The following DTNB variants were observed in gnomAD, a reference collection of about 807,000 sequenced individuals.
The protein encoded by DTNB is DTN-B.
DTNB carries 63 observed loss-of-function variants against 90.7 expected under a neutral mutation model. The observed-to-expected ratio is 0.69, with a 90% CI of 0.57 to 0.86. The LOEUF (loss-of-function observed/expected upper bound fraction) is 0.86. Ranked by LOEUF, DTNB falls within the 40% of genes least tolerant of loss-of-function variation. DTNB has a pLI of 0.00. For missense variants in DTNB, 744 were observed against 807.1 expected (o/e 0.92, Z 0.95); for synonymous variants, 277 against 286.7 (o/e 0.97, Z 0.34).
intron 9 of DTNB, among the ~76,000 whole-genome samples, chr2:25,514,949 C>T (rs951768863): frequency 3.3e-5 from 5 of 152,062 alleles, no homozygotes; most frequent in African/African-American, 1.2e-4. Context: ...TCCCAAAGTG[C>T]TGGGATTACA....
At chr2:25,433,202 G>A (rs114770896) in intron 13 of DTNB, among the ~76,000 whole-genome samples, 1,541 of 152,238 alleles carry the variant, frequency 0.01, 33 homozygotes, top group African/African-American at 0.036. Context: ...CCTTTGTGGT[G>A]GAAAAAGTCA....
At chr2:25,541,299 T>C (rs1240215064) in intron 8 of DTNB, among the ~76,000 whole-genome samples, 1 of 151,922 alleles carries the variant, frequency 6.6e-6, no homozygotes, top group Non-Finnish European at 1.5e-5. Flanking sequence ...GTCAACATGG[T>C]GAAACGCTGT....
chr2:25,426,558 A>C (rs2051685838), intron 15 of DTNB: 2 of 152,176 alleles, frequency 1.3e-5, no homozygotes, highest in Admixed American at 1.3e-4. Flanking sequence ...GCAACCCAAC[A>C]CCACCCATCT....
chr2:25,555,443 G>T (rs1231240828), intron 8 of DTNB, among the ~76,000 whole-genome samples: 1 of 151,574 alleles, frequency 6.6e-6, no homozygotes, highest in Non-Finnish European at 1.5e-5. Flanking sequence ...ACATTCCAGA[G>T]GAAGACAAAT....
intron 9 of DTNB, among the ~76,000 whole-genome samples, chr2:25,486,899 T>C (rs574251570): frequency 1.3e-5 from 2 of 152,332 alleles, no homozygotes; most frequent in East Asian, 1.9e-4. Flanking sequence ...CAGCAAGGTA[T>C]AGGCACTATT....
At chr2:25,407,128 C>T (rs930691185) in intron 16 of DTNB, among the ~76,000 whole-genome samples, 1 of 152,104 alleles carries the variant, frequency 6.6e-6, no homozygotes, top group African/African-American at 2.4e-5. Flanking sequence ...CATGACATTT[C>T]TCAAAAGAAG....
chr2:25,597,692 C>CT (rs2064930655), intron 5 of DTNB, among the ~76,000 whole-genome samples: 1 of 152,062 alleles, frequency 6.6e-6, no homozygotes, highest in African/African-American at 2.4e-5. Context: ...CAGCAAGAGA[C>CT]TAAAAGATGA....
chr2:25,531,444 T>C (rs1440442965), intron 9 of DTNB, 29 bp downstream of exon 9: 4 of 1,600,344 alleles, frequency 2.5e-6, no homozygotes, highest in Non-Finnish European at 2.6e-6. Flanking sequence ...TTCAGTGTGA[T>C]CCACATGCAC....
At position 25,433,898 on chromosome 2, in the gene DTNB, C is replaced by T; in HGVS notation, c.1343+12G>A. On this transcript the variant is annotated intron_variant, in intron 13 of 20. Coordinates refer to ENST00000406818, the MANE Select transcript of DTNB (RefSeq NM_021907.5). ...TGGACTCTGGAAGTGGGCTCAGCCT[C>T]TGCGTTCTTACCTGTTTTTGTTTTC... 2 of 1,613,474 alleles carry T rather than the reference C, an allele frequency of 1.2e-6. No individual in the cohort carries two copies. The highest frequency in any genetic ancestry group is 2.2e-5 in the South Asian group (2 of 91,050).
chr2:25,388,606 G>A, intron 16 of DTNB: 1 of 488,088 alleles, frequency 2.0e-6, no homozygotes, highest in Non-Finnish European at 3.6e-6. Flanking sequence ...AGAATGGGAG[G>A]GAAAGAAGAG....
chr2:25,597,828 C>A (rs1475233213), intron 5 of DTNB, among the ~76,000 whole-genome samples: 2 of 152,082 alleles, frequency 1.3e-5, no homozygotes, highest in African/African-American at 2.4e-5. Flanking sequence ...TGGTCCTTAT[C>A]CCCCAAGAAA....
At chr2:25,588,400 T>C (rs927461298) in intron 6 of DTNB, among the ~76,000 whole-genome samples, 5 of 151,490 alleles carry the variant, frequency 3.3e-5, no homozygotes, top group African/African-American at 1.2e-4. Context: ...GGAGTCTCCC[T>C]CTATTGCCAG....
At chr2:25,586,015 T>C (rs773976153) in intron 6 of DTNB, among the ~76,000 whole-genome samples, 2 of 152,214 alleles carry the variant, frequency 1.3e-5, no homozygotes, top group Non-Finnish European at 2.9e-5. Context: ...TTATTTGTTA[T>C]GGATAAAGGA....
chr2:25,649,300 T>G (rs35546737), intron 2 of DTNB, among the ~76,000 whole-genome samples: 1 of 152,038 alleles, frequency 6.6e-6, no homozygotes, highest in Non-Finnish European at 1.5e-5. Flanking sequence ...CCACCACACC[T>G]GGCCATCCTT....
intron 16 of DTNB, among the ~76,000 whole-genome samples, chr2:25,394,203 G>A (rs2041871402): frequency 6.6e-6 from 1 of 152,148 alleles, no homozygotes; most frequent in Admixed American, 6.5e-5. Flanking sequence ...ATAGAAGAAT[G>A]AAACTGGATC....
chr2:25,399,235 G>T (rs2043100647), intron 16 of DTNB, among the ~76,000 whole-genome samples: 1 of 151,928 alleles, frequency 6.6e-6, no homozygotes, highest in Non-Finnish European at 1.5e-5. Context: ...TTTTAGTAGA[G>T]ATGGGGTTTC....
At chr2:25,382,850 C>G (rs1177976938) in intron 19 of DTNB, among the ~76,000 whole-genome samples, 2 of 152,080 alleles carry the variant, frequency 1.3e-5, no homozygotes, top group Non-Finnish European at 2.9e-5. Flanking sequence ...CGTTTAACAG[C>G]TACATGAACA....
At chr2:25,457,728 A>G (rs1344876598) in intron 10 of DTNB, among the ~76,000 whole-genome samples, 1 of 152,230 alleles carries the variant, frequency 6.6e-6, no homozygotes, top group African/African-American at 2.4e-5. Flanking sequence ...TTCTATTTAT[A>G]GCATTCTATT....
chr2:25,436,660 T>C (rs1306334671), intron 12 of DTNB, among the ~76,000 whole-genome samples: 4 of 152,186 alleles, frequency 2.6e-5, no homozygotes, highest in African/African-American at 9.7e-5. Flanking sequence ...CAAGATGATT[T>C]TTCTTCCTCC....
Sources: allele counts gnomAD v4.1 joint callset (sites outside exome capture counted in the v4.1 genomes callset), GRCh38; gene constraint gnomAD v4.1.1; transcripts MANE v1.5; gene names NCBI Gene and HGNC (gene_info 2026-07-23, HGNC 2026-07-21).